Variants in NAALADL2 observed in about 807,000 individuals in gnomAD.
The protein encoded by NAALADL2 is inactive N-acetylated-alpha-linked acidic dipeptidase-like protein 2.
NAALADL2 carries 76 observed loss-of-function variants against 87.2 expected under a neutral mutation model. The ratio of observed to expected loss-of-function variants is 0.87; its 90% confidence interval spans 0.72 to 1.05. NAALADL2 has a LOEUF of 1.05. NAALADL2 is among the 50% of genes least tolerant of loss of function. The pLI is 0.00. For synonymous variants in NAALADL2, 354 were observed against 331.0 expected, an observed-to-expected ratio of 1.07 and a Z score of -0.75; for missense variants, 1,089 against 945.8, an observed-to-expected ratio of 1.15 and a Z score of -1.99.
At chr3:174,995,718 A>T (rs951784824) in intron 1 of NAALADL2, among the ~76,000 whole-genome samples, 1 of 152,048 alleles carries the variant, frequency 6.6e-6, no homozygotes, top group East Asian at 1.9e-4. Context: ...TCAAGGTTGG[A>T]TATCAATTGG....
intron 5 of NAALADL2, among the ~76,000 whole-genome samples, chr3:175,381,126 T>C (rs915785164): frequency 1.3e-5 from 2 of 151,932 alleles, no homozygotes; most frequent in Non-Finnish European, 2.9e-5. Context: ...ATAGTTCAGA[T>C]CAGATTAATA....
intron 2 of NAALADL2, among the ~76,000 whole-genome samples, chr3:174,649,121 G>A (rs756688940): frequency 6.6e-6 from 1 of 152,074 alleles, no homozygotes; most frequent in East Asian, 1.9e-4. Context: ...CTGCCACCGA[G>A]CCCAGCTAAT....
intron 9 of NAALADL2, among the ~76,000 whole-genome samples, chr3:175,499,934 T>C (rs1011424208): frequency 1.3e-5 from 2 of 152,084 alleles, no homozygotes; most frequent in Middle Eastern, 3.2e-3. Context: ...GCTTTTGGCC[T>C]CTTTGGTTTG....
At chr3:175,139,979 CA>C (rs34724045) in intron 2 of NAALADL2, among the ~76,000 whole-genome samples, 13,269 of 152,050 alleles carry the variant, frequency 0.087, 1,682 homozygotes, top group African/African-American at 0.28. Flanking sequence ...AATTAAATGA[CA>C]TGAGTAGATT....
At chr3:175,402,568 T>A (rs1711524225) in intron 5 of NAALADL2, among the ~76,000 whole-genome samples, 1 of 152,126 alleles carries the variant, frequency 6.6e-6, no homozygotes, top group African/African-American at 2.4e-5. Context: ...TATAATTATA[T>A]AAACAGGTGT....
intron 1 of NAALADL2, chr3:174,523,412 G>C (rs1239270742): frequency 2.0e-5 from 3 of 152,062 alleles, no homozygotes; most frequent in Non-Finnish European, 4.4e-5. Flanking sequence ...CATTATTTTA[G>C]TGTAATTTCG....
chr3:175,780,099 T>A (rs1490198292), intron 13 of NAALADL2, among the ~76,000 whole-genome samples: 1 of 149,878 alleles, frequency 6.7e-6, no homozygotes, highest in Non-Finnish European at 1.5e-5. Context: ...AAACCCTGTC[T>A]CTACTAAAAA....
chr3:174,754,466 C>CTTTTT (rs11285494), intron 3 of NAALADL2, among the ~76,000 whole-genome samples: 2 of 125,508 alleles, frequency 1.6e-5, no homozygotes, highest in Admixed American at 8.2e-5. Context: ...ACAGAGCTAT[C>CTTTTT]TTTTTTTTTT....
rs538049109 is a variant in NAALADL2 at position 175,429,981 on chromosome 3, A to G, written c.1091-17248A>G. Among the ~76,000 whole-genome samples the G allele has an allele frequency of 1.9e-4, 29 of 152,040 alleles. No homozygotes were observed. In the South Asian group the frequency reaches 2.3e-3, roughly 12 times the overall value. ...TATATTGGTGAGAGTGCCTCTTGGT[A>G]GTACAGGGAAACAAAATGTGGGGCA... On this transcript the variant is annotated intron_variant, in intron 5 of 13. Transcript: ENST00000454872.
intron 2 of NAALADL2, among the ~76,000 whole-genome samples, chr3:175,141,164 CTCAG>C (rs922261386): frequency 1.3e-5 from 2 of 152,124 alleles, no homozygotes; most frequent in African/African-American, 4.8e-5. Context: ...CTGTTGTTAG[CTCAG>C]TCAAAGTCTG....
chr3:175,707,398 G>A (rs1003080817), intron 11 of NAALADL2, among the ~76,000 whole-genome samples: 8 of 151,894 alleles, frequency 5.3e-5, no homozygotes, highest in African/African-American at 4.8e-5. Flanking sequence ...TATTCTTAAC[G>A]CATGAGCCAT....
chr3:174,614,071 C>T (rs916808136), intron 2 of NAALADL2, among the ~76,000 whole-genome samples: 1 of 152,072 alleles, frequency 6.6e-6, no homozygotes, highest in Admixed American at 6.6e-5. Flanking sequence ...GAGACAAAGT[C>T]CTCTTCACTT....
At chr3:174,505,166 G>T (rs943756240) in intron 1 of NAALADL2, among the ~76,000 whole-genome samples, 1 of 152,038 alleles carries the variant, frequency 6.6e-6, no homozygotes, top group African/African-American at 2.4e-5. Flanking sequence ...TGAAATGAGG[G>T]GAAAATCCCA....
chr3:175,184,625 C>T (rs1351438646), intron 2 of NAALADL2, among the ~76,000 whole-genome samples: 1 of 151,564 alleles, frequency 6.6e-6, no homozygotes, highest in Non-Finnish European at 1.5e-5. Flanking sequence ...AAGTTACTTC[C>T]TCTTTGTAGT....
chr3:174,701,731 C>A (rs1199923934), intron 2 of NAALADL2, among the ~76,000 whole-genome samples: 2 of 152,148 alleles, frequency 1.3e-5, no homozygotes, highest in Non-Finnish European at 2.9e-5. Flanking sequence ...AGTCTGACTT[C>A]TTTTGCCCAG....
intron 1 of NAALADL2, among the ~76,000 whole-genome samples, chr3:174,509,996 A>C (rs376413979): frequency 3.3e-5 from 5 of 151,980 alleles, no homozygotes; most frequent in African/African-American, 1.2e-4. Context: ...ATCTGTTGAG[A>C]TGATCATTTT....
intron 11 of NAALADL2, among the ~76,000 whole-genome samples, chr3:175,678,990 AT>A (rs1249449530): frequency 6.6e-6 from 1 of 150,510 alleles, no homozygotes; most frequent in Non-Finnish European, 1.5e-5. Context: ...CTTTTATAGG[AT>A]TTGGGTAGGT....
chr3:174,820,399 C>T (rs890050479), intron 3 of NAALADL2, among the ~76,000 whole-genome samples: 1 of 152,110 alleles, frequency 6.6e-6, no homozygotes. Flanking sequence ...ACCACATATA[C>T]TTTTTCATTT....
intron 11 of NAALADL2, among the ~76,000 whole-genome samples, chr3:175,636,515 A>G (rs1334886660): frequency 6.6e-6 from 1 of 152,040 alleles, no homozygotes; most frequent in Non-Finnish European, 1.5e-5. Flanking sequence ...CCTGGCCAAT[A>G]TGGTGAAACC....
Sources: allele counts gnomAD v4.1 joint callset (sites outside exome capture counted in the v4.1 genomes callset), GRCh38; gene constraint gnomAD v4.1.1; transcripts MANE v1.5; gene names NCBI Gene and HGNC (gene_info 2026-07-23, HGNC 2026-07-21).